The following SSH1 variants were observed in gnomAD, a reference collection of about 807,000 sequenced individuals.
SSH1 encodes slingshot protein phosphatase 1, also known as protein phosphatase Slingshot homolog 1.
In SSH1, 43 loss-of-function variants were observed where a neutral mutation model predicts 79.7. The ratio of observed to expected loss-of-function variants is 0.54; its 90% CI spans 0.42 to 0.70. The LOEUF is 0.70. Among genes scored for constraint, SSH1 ranks in the 30% least tolerant of loss-of-function variants. SSH1 has a pLI of 0.00. For missense variants in SSH1, 1,206 were observed against 1,358.8 expected (o/e 0.89, Z 1.77); for synonymous variants, 599 against 538.3 (o/e 1.11, Z -1.56).
Position 108,788,931 on chromosome 12 carries a change from G to T in SSH1, c.2207C>A (p.Pro736Gln). Reference protein sequence around the residue: ...SGPGAGAALEPPASLLEPSRE... With the variant: ...SGPGAGAALEQPASLLEPSRE... ...GGAAGGTTCCAAAAGGCTGGCTGGT[G>T]GCTCTAGGGCAGCTCCAGCCCCAGG... Residue 736 changes from proline to glutamine, a missense_variant, in exon 15 of 15, where the codon CCA (proline) becomes CAA (glutamine). Pro to Gln is a moderately conservative substitution (Grantham distance 76, BLOSUM62 -1). Transcript: ENST00000326495. 1 of 1,614,132 alleles carries T rather than the reference G, an allele frequency of 6.2e-7. No homozygotes were observed. Among genetic ancestry groups the T allele is most frequent in the Non-Finnish European group, 8.5e-7 (1 of 1,180,004 alleles).
chr12:108,814,947 G>A (rs550418907), intron 5 of SSH1, among the ~76,000 whole-genome samples: 1 of 152,350 alleles, frequency 6.6e-6, no homozygotes, highest in Admixed American at 6.5e-5. Flanking sequence ...TCTAAGGCAT[G>A]CCCGTGACTG....
At chr12:108,818,443 G>A (rs1276450906) in intron 3 of SSH1, 130 bp from the exon 4 acceptor site, 7 of 746,820 alleles carry the variant, frequency 9.4e-6, no homozygotes, top group East Asian at 2.7e-5. Flanking sequence ...TACACCACAG[G>A]AGAATCACCA....
At chr12:108,856,498 A>T (rs2039146176) in intron 1 of SSH1, among the ~76,000 whole-genome samples, 1 of 152,210 alleles carries the variant, frequency 6.6e-6, no homozygotes, top group Non-Finnish European at 1.5e-5. Flanking sequence ...GCCACACAGA[A>T]AGATAGATGC....
At position 108,787,577 on chromosome 12, in the gene SSH1, CGA is replaced by C. The variant is rs1354702454; in HGVS notation, c.*409_*410del. On this transcript the variant is annotated 3_prime_UTR_variant, in exon 15 of 15. Transcript: ENST00000326495. The stretch of plus-strand genomic sequence containing the variant: ...AGAGGTAGGACTTAATGTTGCCATC[CGA>C]GAGTTTTCTGCGAGGCCAAGAATGA... 4 of 209,492 alleles carry C rather than the reference CGA, an allele frequency of 1.9e-5. No homozygotes were observed. The highest frequency in any genetic ancestry group is 8.3e-5 in the South Asian group (1 of 12,096). 13.0% of individuals were successfully genotyped at this position (209,492 alleles called of 1,614,324 possible).
rs1189398083 is a variant in SSH1 at position 108,782,530 on chromosome 12, C to G, written c.*5458G>C. The G allele has an allele frequency of 1.3e-5, 2 of 152,072 alleles. No individual in the cohort carries two copies. The highest frequency in any genetic ancestry group is 3.8e-4 in the East Asian group (2 of 5,198). 9.4% of individuals were successfully genotyped at this position (152,072 alleles called of 1,614,324 possible). On this transcript the variant is annotated 3_prime_UTR_variant, in exon 15 of 15. Coordinates refer to ENST00000326495, the MANE Select transcript of SSH1 (RefSeq NM_018984.4). ...GGAACTATCATTTCTTCCTGTGGTC[C>G]TTTCTTTGGTGTAACTTGTCCAGGT...
rs1005887648 is a variant in SSH1, at chr12:108,813,039, A to C, written c.402-1711T>G. On this transcript the variant is annotated intron_variant, in intron 5 of 14. Transcript: ENST00000326495. ...CACTATGCCCAGCTTTTTAAAAAAA[A>C]CTTTTTTGTACAGATAAGGCCCCAC... Among the ~76,000 whole-genome samples, 12 of 151,902 alleles carry C rather than the reference A, an allele frequency of 7.9e-5. No individual in the cohort carries two copies. In the East Asian group the frequency reaches 2.3e-3, roughly 30 times the overall value.
At chr12:108,854,608 G>A (rs907220177) in intron 1 of SSH1, among the ~76,000 whole-genome samples, 6 of 152,220 alleles carry the variant, frequency 3.9e-5, no homozygotes, top group Admixed American at 2.6e-4. Flanking sequence ...CTAAGTGTCT[G>A]ACTCATTATG....
intron 2 of SSH1, among the ~76,000 whole-genome samples, chr12:108,825,665 CCTT>C (rs1234974731): frequency 6.6e-6 from 1 of 152,238 alleles, no homozygotes; most frequent in Non-Finnish European, 1.5e-5. Context: ...GCCGAGTCAT[CCTT>C]TCCACCCTCT....
At chr12:108,798,140 G>A (rs1041781141) in intron 13 of SSH1, among the ~76,000 whole-genome samples, 2 of 152,250 alleles carry the variant, frequency 1.3e-5, no homozygotes, top group African/African-American at 2.4e-5. Flanking sequence ...TCGCTTGTAC[G>A]CTCCCTCCCA....
At chr12:108,851,455 AT>A (rs929752767) in intron 2 of SSH1, among the ~76,000 whole-genome samples, 1 of 151,276 alleles carries the variant, frequency 6.6e-6, no homozygotes, top group Non-Finnish European at 1.5e-5. Context: ...AAAACAGACT[AT>A]TTTTTTTTAA....
At chr12:108,833,650 C>T (rs1175034241) in intron 2 of SSH1, 1 of 152,248 alleles carries the variant, frequency 6.6e-6, no homozygotes, top group Non-Finnish European at 1.5e-5. Context: ...CTCTGTGCTG[C>T]ATTCTCTGAA....
At chr12:108,846,122 G>C (rs1203139846) in intron 2 of SSH1, among the ~76,000 whole-genome samples, 3 of 152,188 alleles carry the variant, frequency 2.0e-5, no homozygotes, top group Admixed American at 1.3e-4. Context: ...AGTGCGGAGA[G>C]AAAGGCAGAG....
At chr12:108,799,229 G>C (rs1280196764) in intron 12 of SSH1, 29 bp from the exon 13 acceptor site, 12 of 1,579,952 alleles carry the variant, frequency 7.6e-6, no homozygotes, top group Non-Finnish European at 1.0e-5. Flanking sequence ...TTGGGGAGGA[G>C]AGATGGGGGA....
rs1329688990 is a variant in SSH1 at position 108,800,847 on chromosome 12, A to C, written c.1081T>G (p.Tyr361Asp). The change falls in exon 12 of 15, where the codon TAC (tyrosine) becomes GAC (aspartate). Residue 361 changes from tyrosine to aspartate, a missense_variant. Tyr to Asp is a radical substitution (Grantham distance 160). Transcript: ENST00000326495. ...GLFAYHNIRVYDEETTDLLAH... is the reference protein window; with the variant it reads ...GLFAYHNIRVDDEETTDLLAH... ...AGGAGGTCTGTGGTCTCTTCATCGTAGACTCGGATGTTATGATATGCAAAT... is the reference window on the plus strand; with the variant it reads ...AGGAGGTCTGTGGTCTCTTCATCGTCGACTCGGATGTTATGATATGCAAAT... The C allele has an allele frequency of 1.2e-6, 2 of 1,614,006 alleles. No homozygotes were observed. Among genetic ancestry groups the C allele is most frequent in the African/African-American group, 2.7e-5 (2 of 74,926 alleles).
chr12:108,823,148 G>A (rs1324250391), intron 3 of SSH1, 110 bp downstream of exon 3: 45 of 1,050,214 alleles, frequency 4.3e-5, no homozygotes, highest in South Asian at 2.7e-4. Context: ...GCAAACCTGC[G>A]TCCACTATGT....
At chr12:108,853,222 T>C (rs2039080253) in intron 1 of SSH1, 1 of 985,340 alleles carries the variant, frequency 1.0e-6, no homozygotes, top group Non-Finnish European at 1.2e-6. Context: ...CTTAAACATT[T>C]GATACGAAAC....
Position 108,786,502 on chromosome 12 carries a change from G to C in SSH1, c.*1486C>G, listed in dbSNP as rs528385482. 6.6e-6 allele frequency: 1 copy of C among 152,174 alleles called. No homozygotes were observed. The highest frequency in any genetic ancestry group is 2.4e-5 in the African/African-American group (1 of 41,428). 9.4% of individuals were successfully genotyped at this position (152,174 alleles called of 1,614,324 possible). On this transcript the variant is annotated 3_prime_UTR_variant, in exon 15 of 15. Transcript: ENST00000326495. Reference sequence around the variant, plus strand: ...AGGGGTCAGCAACTTTTTCTACAAAGGGCCTGACAGTAAGTACCTCAGGCT... The same window carrying C: ...AGGGGTCAGCAACTTTTTCTACAAACGGCCTGACAGTAAGTACCTCAGGCT...
intron 14 of SSH1, among the ~76,000 whole-genome samples, chr12:108,791,283 T>C (rs952218111): frequency 5.9e-5 from 9 of 152,158 alleles, no homozygotes; most frequent in African/African-American, 1.9e-4. Flanking sequence ...CTAATTTTTA[T>C]ATTTTTAGTA....
intron 3 of SSH1, 65 bp downstream of exon 3, chr12:108,823,193 T>C (rs1394433277): frequency 1.4e-6 from 2 of 1,464,830 alleles, no homozygotes; most frequent in Non-Finnish European, 1.9e-6. Context: ...TCACCAACAA[T>C]GGAAGTTTCC....
Sources: allele counts gnomAD v4.1 joint callset (sites outside exome capture counted in the v4.1 genomes callset), GRCh38; gene constraint gnomAD v4.1.1; transcripts MANE v1.5; gene names NCBI Gene and HGNC (gene_info 2026-07-23, HGNC 2026-07-21).